SNED1: variants seen among roughly 807,000 people sequenced by gnomAD.
SNED1 encodes the protein sushi, nidogen and EGF-like domain-containing protein 1.
A neutral mutation model predicts 166.7 loss-of-function variants in SNED1; 81 were observed. That is an observed-to-expected ratio of 0.49 (90% confidence interval 0.41 to 0.58). The LOEUF (loss-of-function observed/expected upper bound fraction) is 0.58, where lower values mean the gene tolerates loss of function less well. Among genes scored for constraint, SNED1 ranks in the 20% least tolerant of loss-of-function variants. The pLI is 0.00. For missense variants in SNED1, 1,604 were observed against 2,000.2 expected (o/e 0.80, Z 3.78); for synonymous variants, 762 against 822.0 (o/e 0.93, Z 1.25).
At chr2:241,089,482 G>T in intron 31 of SNED1, 1 of 1,509,696 alleles carries the variant, frequency 6.6e-7, no homozygotes, top group South Asian at 1.3e-5. Flanking sequence ...CCCCCTTGGG[G>T]GAAAGGTCTG....
chr2:241,036,987 C>T, intron 5 of SNED1, 72 bp downstream of exon 5: 1 of 1,530,602 alleles, frequency 6.5e-7, no homozygotes, highest in African/African-American at 1.4e-5. Context: ...TAGGCTCCGC[C>T]AGTGGCCCTG....
In SNED1 at chr2:241,049,887, C is replaced by T; in HGVS notation, c.1689C>T (p.Tyr563=). The T allele has an allele frequency of 6.2e-6, 10 of 1,613,876 alleles. No homozygotes were observed. Among genetic ancestry groups the T allele is most frequent in the Non-Finnish European group, 8.5e-6 (10 of 1,179,782 alleles). ...GGSCDAHDDS[Y]TCECPRGFHG... Reference sequence around the variant, plus strand: ...CCTGCGATGCCCATGACGACTCCTACACCTGCGAGTGCCCGCGCGGGTTCC... The same window carrying T: ...CCTGCGATGCCCATGACGACTCCTATACCTGCGAGTGCCCGCGCGGGTTCC... The change falls in exon 12 of 32, where the codon TAC becomes TAT. Residue 563 remains tyrosine (Y), a synonymous_variant. Coordinates refer to ENST00000310397, the MANE Select transcript of SNED1 (RefSeq NM_001080437.3).
At chr2:241,019,970 G>A (rs1365310857) in intron 1 of SNED1, among the ~76,000 whole-genome samples, 3 of 152,226 alleles carry the variant, frequency 2.0e-5, no homozygotes, top group Non-Finnish European at 4.4e-5. Context: ...GTGCTCAGCC[G>A]TGCTCCCACA....
At chr2:241,000,374 C>T (rs576451832) in intron 1 of SNED1, among the ~76,000 whole-genome samples, 32 of 152,342 alleles carry the variant, frequency 2.1e-4, no homozygotes, top group African/African-American at 3.4e-4. Context: ...GCCATGCTGT[C>T]GGTGCTACCC....
At chr2:241,028,912 G>A (rs952981182) in intron 1 of SNED1, among the ~76,000 whole-genome samples, 3 of 152,018 alleles carry the variant, frequency 2.0e-5, no homozygotes, top group African/African-American at 7.2e-5. Flanking sequence ...TTTTGGCTGT[G>A]TCCTGGACTG....
intron 26 of SNED1, 26 bp downstream of exon 26, chr2:241,071,904 C>T (rs758878292): frequency 2.6e-6 from 4 of 1,559,758 alleles, no homozygotes; most frequent in Admixed American, 3.7e-5. Context: ...TCCCCACCCA[C>T]CTTGGTGGCC....
At chr2:241,063,767 G>A in intron 18 of SNED1, 67 bp downstream of exon 18, 1 of 1,202,292 alleles carries the variant, frequency 8.3e-7, no homozygotes, top group Non-Finnish European at 1.2e-6. Flanking sequence ...AGAGGAGGTG[G>A]GGCATCCCCA....
rs1035229453 is a variant in SNED1, at chr2:241,063,801, TG to T, written c.2485+105del. The T allele has an allele frequency of 1.5e-5, 12 of 820,506 alleles. No individual in the cohort carries two copies. In the African/African-American group the frequency reaches 2.1e-4, roughly 14 times the overall value. 50.8% of individuals were successfully genotyped at this position (820,506 alleles called of 1,614,324 possible). On this transcript the variant is annotated intron_variant, in intron 18 of 31. Transcript: ENST00000310397. ...CACATTCCCTGCTGGGCAGGCCACC[TG>T]GGGAGAGGGACCCCCAGGGCTGCGG...
At chr2:241,057,852 T>A (rs2062108992) in intron 16 of SNED1, among the ~76,000 whole-genome samples, 1 of 151,932 alleles carries the variant, frequency 6.6e-6, no homozygotes, top group Admixed American at 6.6e-5. Context: ...AATAAGATAA[T>A]AAGATAAACC....
intron 30 of SNED1, chr2:241,087,704 G>T: frequency 1.5e-6 from 2 of 1,362,318 alleles, no homozygotes; most frequent in East Asian, 2.7e-5. Flanking sequence ...GTGCTGGGGG[G>T]GGTCACTCTG....
At chr2:241,090,298 G>T (rs2063851262) in intron 31 of SNED1, 1 of 1,548,918 alleles carries the variant, frequency 6.5e-7, no homozygotes, top group Middle Eastern at 1.7e-4. Context: ...GATCATCCAT[G>T]TCACCTTCTT....
chr2:241,003,080 C>T (rs781657016), intron 1 of SNED1, among the ~76,000 whole-genome samples: 4 of 152,094 alleles, frequency 2.6e-5, no homozygotes, highest in African/African-American at 4.8e-5. Context: ...TGTCTCTCCT[C>T]GCCAGAATCC....
intron 1 of SNED1, among the ~76,000 whole-genome samples, chr2:241,000,680 A>C (rs2060051889): frequency 1.3e-5 from 2 of 152,246 alleles, no homozygotes; most frequent in Admixed American, 1.3e-4. Context: ...AACTAGGGGA[A>C]ACAGCTCTAA....
intron 8 of SNED1, among the ~76,000 whole-genome samples, chr2:241,047,264 G>A (rs2061678869): frequency 6.6e-6 from 1 of 152,064 alleles, no homozygotes; most frequent in Admixed American, 6.5e-5. Context: ...TGGGAATTAG[G>A]AGGGACCTTT....
At chr2:241,056,650 G>A (rs889127603) in intron 16 of SNED1, among the ~76,000 whole-genome samples, 6 of 144,870 alleles carry the variant, frequency 4.1e-5, no homozygotes, top group Middle Eastern at 3.7e-3. Flanking sequence ...GCACGATCTC[G>A]GCTCACTGCA....
chr2:241,048,629 C>CACATGGG lies in SNED1; in HGVS notation c.1400-31_1400-25dup, dbSNP rs2061736060. ...CGAGGGTGCCATCTTTCTGCGCCCC[C>CACATGGG]ACATGGGAGGCTCCTCCCTCTCTTC... On this transcript the variant is annotated intron_variant, in intron 9 of 31. Transcript: ENST00000310397. 3 of 1,571,242 alleles carry CACATGGG rather than the reference C, an allele frequency of 1.9e-6. No individual in the cohort carries two copies. The South Asian group carries it at 3.5e-5, about 18-fold the overall frequency.
chr2:241,018,878 G>T lies in SNED1; in HGVS notation c.214-11406G>T, dbSNP rs2060681223. Among the ~76,000 whole-genome samples, 1 of 152,208 alleles carries T rather than the reference G, an allele frequency of 6.6e-6. No homozygotes were observed. Among genetic ancestry groups the T allele is most frequent in the Non-Finnish European group, 1.5e-5 (1 of 68,028 alleles). ...ACCTGGAGAGCAAACCAACCAGGCG[G>T]GCTGGGGCAGCTGTCAGGGAAAGAG... On this transcript the variant is annotated intron_variant, in intron 1 of 31. Coordinates refer to ENST00000310397, the MANE Select transcript of SNED1 (RefSeq NM_001080437.3). The surrounding 1 kb of genome is among the most constrained non-coding windows in gnomAD (Gnocchi z 5.4).
intron 31 of SNED1, among the ~76,000 whole-genome samples, chr2:241,090,662 T>C (rs888146676): frequency 1.3e-5 from 2 of 151,754 alleles, no homozygotes; most frequent in African/African-American, 2.4e-5. Context: ...AGGCCAGGAG[T>C]TCGAGACCAG....
chr2:241,083,923 C>T (rs1001267535), intron 29 of SNED1, among the ~76,000 whole-genome samples: 2 of 151,908 alleles, frequency 1.3e-5, no homozygotes, highest in African/African-American at 4.8e-5. Context: ...TCTATTTTTC[C>T]CACCTGCTTT....
Sources: gnomAD v4.1 joint callset for allele counts (sites outside exome capture counted in the v4.1 genomes callset) on GRCh38, gnomAD v4.1.1 for gene constraint, Gnocchi (gnomAD v3.1) non-coding constraint, MANE v1.5 for transcripts, NCBI Gene and HGNC (gene_info 2026-07-23, HGNC 2026-07-21) for gene names.